Variants in MICU2 observed in about 807,000 individuals in gnomAD.
MICU2 encodes the protein calcium uptake protein 2, mitochondrial.
MICU2 carries 64 observed loss-of-function variants against 60.4 expected under a neutral mutation model. The observed-to-expected ratio is 1.06, with a 90% CI of 0.87 to 1.31. The LOEUF is 1.31. Ranked by LOEUF, MICU2 falls within the 50% of genes most tolerant of loss-of-function variation. The pLI, the probability that MICU2 is intolerant of heterozygous loss-of-function variation, is 0.00. For synonymous variants in MICU2, 201 were observed against 175.0 expected (o/e 1.15, Z -1.17); for missense variants, 569 against 531.0 (o/e 1.07, Z -0.70).
At chr13:21,578,686 A>G (rs1298104573) in intron 1 of MICU2, among the ~76,000 whole-genome samples, 1 of 152,186 alleles carries the variant, frequency 6.6e-6, no homozygotes, top group African/African-American at 2.4e-5. Flanking sequence ...ATTTACTGAA[A>G]TATCTTTAGA....
chr13:21,499,166 G>T (rs1886079641), intron 9 of MICU2, among the ~76,000 whole-genome samples: 1 of 151,952 alleles, frequency 6.6e-6, no homozygotes, highest in African/African-American at 2.4e-5. Context: ...GACCAGGCTG[G>T]TCTCAAACTC....
At chr13:21,561,033 T>C (rs1318956237) in intron 2 of MICU2, among the ~76,000 whole-genome samples, 3 of 152,222 alleles carry the variant, frequency 2.0e-5, no homozygotes, top group Non-Finnish European at 2.9e-5. Context: ...AAATTTCTTT[T>C]GAGATTCCTT....
chr13:21,556,056 T>C (rs543659983), intron 2 of MICU2, among the ~76,000 whole-genome samples: 1 of 152,320 alleles, frequency 6.6e-6, no homozygotes, highest in Admixed American at 6.5e-5. Context: ...CACCTCCATC[T>C]ACTGCTTCAT....
chr13:21,513,455 G>C (rs1416465141), intron 7 of MICU2, among the ~76,000 whole-genome samples: 1 of 151,760 alleles, frequency 6.6e-6, no homozygotes, highest in Admixed American at 6.6e-5. Context: ...AAAAAACTAC[G>C]GGCTGGGCAC....
intron 4 of MICU2, among the ~76,000 whole-genome samples, chr13:21,529,967 A>C (rs1886947621): frequency 6.6e-6 from 1 of 152,190 alleles, no homozygotes; most frequent in African/African-American, 2.4e-5. Context: ...CTAAGTATAG[A>C]AAAGTCTAAG....
intron 11 of MICU2, among the ~76,000 whole-genome samples, chr13:21,493,702 TC>T (rs112451077): frequency 0.037 from 5,622 of 152,152 alleles, 351 homozygotes; most frequent in African/African-American, 0.13. Context: ...TTATAATCTT[TC>T]CCTTTTTTTC....
rs143224734 is a variant in MICU2 at position 21,541,048 on chromosome 13, T to C, written c.359-1360A>G. 1.3e-3 allele frequency among the ~76,000 whole-genome samples: 204 copies of C among 152,274 alleles called. 1 individual carries two copies. Among genetic ancestry groups the C allele is most frequent in the African/African-American group, 4.4e-3 (182 of 41,568 alleles). ...TTTTAGACAACTAAAATTAGTCTTA[T>C]CTGTTTTTAAAAAGCGGATTAATCC... On this transcript the variant is annotated intron_variant, in intron 2 of 11. Transcript: ENST00000382374.
At chr13:21,495,762 C>A (rs1203049879) in intron 10 of MICU2, 9 of 248,096 alleles carry the variant, frequency 3.6e-5, no homozygotes, top group Non-Finnish European at 7.0e-5. Flanking sequence ...TCTTGAACTC[C>A]TGACTTTGTG....
At chr13:21,518,679 C>A (rs1250747265) in intron 6 of MICU2, among the ~76,000 whole-genome samples, 2 of 152,116 alleles carry the variant, frequency 1.3e-5, no homozygotes, top group African/African-American at 2.4e-5. Flanking sequence ...AGGTATATGG[C>A]CTTTTCATAC....
intron 4 of MICU2, among the ~76,000 whole-genome samples, chr13:21,536,924 C>T (rs1887143974): frequency 1.3e-5 from 2 of 152,156 alleles, no homozygotes; most frequent in Non-Finnish European, 2.9e-5. Context: ...ACGGTCACTC[C>T]CTGAACCCTG....
chr13:21,533,889 AG>A (rs557888913), intron 4 of MICU2, among the ~76,000 whole-genome samples: 153 of 152,306 alleles, frequency 1.0e-3, no homozygotes, highest in Non-Finnish European at 1.6e-3. Context: ...AGTATATCTT[AG>A]AAATAATTCA....
At position 21,508,458 on chromosome 13, in the gene MICU2, G is replaced by T. The variant is rs113464537; in HGVS notation, c.761+1546C>A. On this transcript the variant is annotated intron_variant, in intron 8 of 11. Transcript: ENST00000382374. ...TATTTCTTTTCTGGAATATCTGAATGGTCTTCTCTCTCATAAAACCTATCC... is the reference window on the plus strand; with the variant it reads ...TATTTCTTTTCTGGAATATCTGAATTGTCTTCTCTCTCATAAAACCTATCC... Among the ~76,000 whole-genome samples the T allele has an allele frequency of 2.6e-5, 4 of 152,236 alleles. 1 individual carries two copies. Among genetic ancestry groups the T allele is most frequent in the African/African-American group, 9.6e-5 (4 of 41,540 alleles).
chr13:21,574,919 C>T (rs1207751576), intron 1 of MICU2, among the ~76,000 whole-genome samples: 2 of 152,152 alleles, frequency 1.3e-5, no homozygotes, highest in African/African-American at 4.8e-5. Flanking sequence ...CAAAATACTG[C>T]CAGACTAAAT....
In MICU2 at chr13:21,564,279, T is replaced by C. The variant is rs1437108189; in HGVS notation, c.358+2518A>G. Among the ~76,000 whole-genome samples, 3 of 152,324 alleles carry C rather than the reference T, an allele frequency of 2.0e-5. No individual in the cohort carries two copies. The East Asian group carries it at 5.8e-4, about 29-fold the overall frequency. On this transcript the variant is annotated intron_variant, in intron 2 of 11. Coordinates refer to ENST00000382374, the MANE Select transcript of MICU2 (RefSeq NM_152726.3). The stretch of plus-strand genomic sequence containing the variant: ...ATTTGGTAAAAGTTACTGAGGTAGA[T>C]TGGCCTTTTATGTTTATCTGGGTAG...
chr13:21,523,343 A>G (rs1886771728), intron 4 of MICU2, among the ~76,000 whole-genome samples: 1 of 152,250 alleles, frequency 6.6e-6, no homozygotes, highest in Non-Finnish European at 1.5e-5. Flanking sequence ...TGGCTCGCAA[A>G]TAACAGGCAT....
At chr13:21,558,874 CAA>C (rs1288691156) in intron 2 of MICU2, among the ~76,000 whole-genome samples, 1 of 152,108 alleles carries the variant, frequency 6.6e-6, no homozygotes, top group Non-Finnish European at 1.5e-5. Flanking sequence ...GAACTAGCCT[CAA>C]AAACAAGTAG....
At chr13:21,588,806 G>A (rs917101246) in intron 1 of MICU2, among the ~76,000 whole-genome samples, 2 of 152,132 alleles carry the variant, frequency 1.3e-5, no homozygotes, top group African/African-American at 4.8e-5. Context: ...TGGATCTTTC[G>A]ACTCTCAGGT....
chr13:21,497,598 G>A (rs113626838), intron 9 of MICU2, among the ~76,000 whole-genome samples: 5,624 of 151,968 alleles, frequency 0.037, 347 homozygotes, highest in African/African-American at 0.13. Flanking sequence ...TGGTCCCAGC[G>A]ACTGAGGAGG....
chr13:21,560,321 TAGTACCATTATCCAACTGC>T (rs1887810416), intron 2 of MICU2, among the ~76,000 whole-genome samples: 1 of 66,226 alleles, frequency 1.5e-5, no homozygotes, highest in Non-Finnish European at 4.1e-5. Context: ...CCAACTGCAC[TAGTACCATTATCCAACTGC>T]ACTAGTACCA....
Sources: allele counts gnomAD v4.1 joint callset (sites outside exome capture counted in the v4.1 genomes callset), GRCh38; gene constraint gnomAD v4.1.1; transcripts MANE v1.5; gene names NCBI Gene and HGNC (gene_info 2026-07-23, HGNC 2026-07-21).